The following SORBS2 variants were observed in gnomAD, a reference collection of about 807,000 sequenced individuals.
SORBS2 encodes the protein sorbin and SH3 domain containing 2, also known as sorbin and SH3 domain-containing protein 2.
In SORBS2, 46 loss-of-function variants were observed where a neutral mutation model predicts 97.7. The ratio of observed to expected loss-of-function variants is 0.47; its 90% confidence interval spans 0.37 to 0.60. The LOEUF is 0.60. SORBS2 is among the 20% of genes least tolerant of loss of function. The pLI is 0.00. For synonymous variants in SORBS2, 476 were observed against 473.4 expected (o/e 1.01, Z -0.07); for missense variants, 1,316 against 1,282.3 (o/e 1.03, Z -0.40).
intron 1 of SORBS2, among the ~76,000 whole-genome samples, chr4:185,800,798 G>A (rs1274776016): frequency 6.6e-6 from 1 of 152,108 alleles, no homozygotes; most frequent in African/African-American, 2.4e-5. Context: ...AATTGACAAA[G>A]CTGCAGACAT....
intron 2 of SORBS2, chr4:185,757,309 G>A (rs1396996703): frequency 5.1e-6 from 1 of 197,262 alleles, no homozygotes; most frequent in Non-Finnish European, 1.0e-5. Context: ...CTTCTGAAAT[G>A]GACAGGAAAT....
chr4:185,922,840 G>A (rs2099261553), intron 1 of SORBS2, among the ~76,000 whole-genome samples: 2 of 152,286 alleles, frequency 1.3e-5, no homozygotes, highest in Middle Eastern at 6.8e-3. Context: ...ATTTCTAGGG[G>A]AGGAGAGGAA....
At chr4:185,702,211 C>T (rs1257110277) in intron 2 of SORBS2, among the ~76,000 whole-genome samples, 3 of 152,110 alleles carry the variant, frequency 2.0e-5, no homozygotes, top group African/African-American at 7.2e-5. Flanking sequence ...GGTTCTGCAG[C>T]CTGCACGGGA....
chr4:185,688,161 T>G (rs1268456683), intron 2 of SORBS2, among the ~76,000 whole-genome samples: 1 of 152,210 alleles, frequency 6.6e-6, no homozygotes, highest in Non-Finnish European at 1.5e-5. Flanking sequence ...ACATATAACA[T>G]GTTTTGTATA....
In SORBS2 at chr4:185,868,159, C is replaced by CTTT. The variant is rs112680775; in HGVS notation, c.-338+88034_-338+88036dup. Among the ~76,000 whole-genome samples the CTTT allele has an allele frequency of 1.6e-4, 17 of 105,214 alleles. 2 individuals carry two copies. Among genetic ancestry groups the CTTT allele is most frequent in the Non-Finnish European group, 2.5e-4 (14 of 55,844 alleles). 69.0% of individuals were successfully genotyped at this position (105,214 alleles called of 152,430 possible). A position where few individuals can be genotyped will look rare whatever the true frequency, so the allele number is the denominator to read the frequency against. On this transcript the variant is annotated intron_variant, in intron 1 of 20. Transcript: ENST00000284776. Reference sequence around the variant, plus strand: ...TCTCTTTTCTTTTCTTTTTTTCTTTCTTTTTTTTTTTTTTTGAGGCAGAGT... The same window carrying CTTT: ...TCTCTTTTCTTTTCTTTTTTTCTTTCTTTTTTTTTTTTTTTTTTGAGGCAGAGT...
chr4:185,760,779 C>T (rs1014669734), intron 2 of SORBS2, among the ~76,000 whole-genome samples: 1 of 152,202 alleles, frequency 6.6e-6, no homozygotes, highest in Non-Finnish European at 1.5e-5. Flanking sequence ...ATTTCCTTCT[C>T]ATTAGTTGCA....
chr4:185,886,944 T>C (rs986633445), intron 1 of SORBS2, among the ~76,000 whole-genome samples: 2 of 152,136 alleles, frequency 1.3e-5, no homozygotes, highest in African/African-American at 4.8e-5. Context: ...TTCAGCTCAG[T>C]AAAGGGAAGG....
intron 4 of SORBS2, among the ~76,000 whole-genome samples, chr4:185,676,749 GAA>G (rs11325803): frequency 4.4e-4 from 66 of 151,698 alleles, no homozygotes; most frequent in Admixed American, 1.4e-3. Context: ...ACATCTAGAA[GAA>G]AAAAAAAAAT....
intron 1 of SORBS2, among the ~76,000 whole-genome samples, chr4:185,905,254 T>C (rs895829411): frequency 3.9e-5 from 6 of 152,174 alleles, no homozygotes; most frequent in African/African-American, 1.4e-4. Context: ...ATGGCTAAAG[T>C]GAGCTCATTT....
chr4:185,637,545 G>C (rs1192035099), intron 4 of SORBS2, among the ~76,000 whole-genome samples: 2 of 152,112 alleles, frequency 1.3e-5, no homozygotes, highest in Non-Finnish European at 2.9e-5. Context: ...TCTTTAACAG[G>C]CTCTGCGTTT....
At chr4:185,900,987 A>T (rs4637445) in intron 1 of SORBS2, among the ~76,000 whole-genome samples, 46,499 of 152,126 alleles carry the variant, frequency 0.31, 7,718 homozygotes, top group East Asian at 0.69. Context: ...CATATCTAAC[A>T]TTTGCAATCT....
At chr4:185,842,651 A>C (rs1470732884) in intron 1 of SORBS2, among the ~76,000 whole-genome samples, 3 of 152,142 alleles carry the variant, frequency 2.0e-5, no homozygotes, top group Non-Finnish European at 4.4e-5. Context: ...AAAATATTAA[A>C]TTTGGCCGGG....
intron 2 of SORBS2, among the ~76,000 whole-genome samples, chr4:185,683,014 CAA>C (rs35410308): frequency 5.5e-5 from 6 of 109,426 alleles, no homozygotes; most frequent in Non-Finnish European, 7.6e-5. Context: ...CCACCCGTCT[CAA>C]AAAAAAAAAA....
At chr4:185,919,598 T>C (rs2099260046) in intron 1 of SORBS2, 1 of 152,192 alleles carries the variant, frequency 6.6e-6, no homozygotes, top group South Asian at 2.1e-4. Context: ...TTCTTTACTC[T>C]AATTTCACCT....
intron 1 of SORBS2, among the ~76,000 whole-genome samples, chr4:185,889,271 CAGAATGAGGTGCAACAATGTTAAAAT>C (rs2099241260): frequency 6.6e-6 from 1 of 152,084 alleles, no homozygotes; most frequent in Admixed American, 6.6e-5. Flanking sequence ...AACTGAAAAA[CAGAATGAGGTGCAACAATGTTAAAAT>C]AGAGAAAGAA....
chr4:185,947,528 C>A (rs1388252891), intron 1 of SORBS2, among the ~76,000 whole-genome samples: 1 of 152,182 alleles, frequency 6.6e-6, no homozygotes, highest in African/African-American at 2.4e-5. Context: ...TTCCAATTGC[C>A]AGCTCTGTGG....
chr4:185,638,900 C>T, intron 4 of SORBS2: 4 of 1,481,522 alleles, frequency 2.7e-6, no homozygotes, highest in East Asian at 2.8e-5. Context: ...AGAGCCGGGG[C>T]GCGCGAGCTT....
In SORBS2 at chr4:185,623,141, C is replaced by T. The variant is rs1207721757; in HGVS notation, c.1988G>A (p.Arg663His). The change falls in exon 7 of 15, where the codon CGC (arginine) becomes CAC (histidine). Residue 663 changes from arginine (R) to histidine (H), a missense_variant. Coordinates refer to ENST00000418609, the Ensembl canonical transcript of SORBS2. This position sits in a 1 kb window ranked among gnomAD's most constrained non-coding sequence, Gnocchi z 6.4. ...ATCTGGCAGCAGCTCACTGATGAGGCGGTGCAGGATGCTGTTGTCCGGCAA... is the reference window on the plus strand; with the variant it reads ...ATCTGGCAGCAGCTCACTGATGAGGTGGTGCAGGATGCTGTTGTCCGGCAA... 4 of 1,614,064 alleles carry T rather than the reference C, an allele frequency of 2.5e-6. No homozygotes were observed. Among genetic ancestry groups the T allele is most frequent in the East Asian group, 4.5e-5 (2 of 44,884 alleles).
chr4:185,954,419 T>C (rs2099278644), intron 1 of SORBS2, among the ~76,000 whole-genome samples: 1 of 150,502 alleles, frequency 6.6e-6, no homozygotes, highest in Non-Finnish European at 1.5e-5. Flanking sequence ...ATAAATGCTT[T>C]TTAAATATTA....
Sources: allele counts gnomAD v4.1 joint callset (sites outside exome capture counted in the v4.1 genomes callset), GRCh38; gene constraint gnomAD v4.1.1; non-coding constraint Gnocchi (gnomAD v3.1); transcripts MANE v1.5; gene names NCBI Gene and HGNC (gene_info 2026-07-23, HGNC 2026-07-21).